SHTN1: variants seen among roughly 807,000 people sequenced by gnomAD.
The protein encoded by SHTN1 is shootin-1.
In SHTN1, 42 loss-of-function variants were observed where a neutral mutation model predicts 83.1. The observed-to-expected ratio is 0.51, with a 90% CI of 0.39 to 0.65. The LOEUF (loss-of-function observed/expected upper bound fraction) is 0.65. Among genes scored for constraint, SHTN1 ranks in the 30% least tolerant of loss-of-function variants. The pLI, the probability that SHTN1 is intolerant of heterozygous loss-of-function variation, is 0.00. For synonymous variants in SHTN1, 224 were observed against 247.7 expected, an observed-to-expected ratio of 0.90 and a Z score of 0.90; for missense variants, 622 against 737.8, an observed-to-expected ratio of 0.84 and a Z score of 1.82.
At chr10:117,063,038 G>A (rs542774750) in intron 1 of SHTN1, among the ~76,000 whole-genome samples, 2 of 152,280 alleles carry the variant, frequency 1.3e-5, no homozygotes, top group South Asian at 4.1e-4. Flanking sequence ...AGATGGCTTT[G>A]TAAACCGCAG....
intron 8 of SHTN1, among the ~76,000 whole-genome samples, chr10:116,941,379 T>C (rs776599099): frequency 1.2e-4 from 19 of 152,238 alleles, no homozygotes; most frequent in Non-Finnish European, 2.1e-4. Context: ...AAGCAATTTA[T>C]ATGTTATTCA....
chr10:117,074,997 G>A (rs763092902), intron 1 of SHTN1, among the ~76,000 whole-genome samples: 3 of 152,070 alleles, frequency 2.0e-5, no homozygotes, highest in Non-Finnish European at 1.5e-5. Context: ...TTAAGATATT[G>A]TGAAGAAAAA....
intron 1 of SHTN1, among the ~76,000 whole-genome samples, chr10:117,068,233 T>C (rs1589918689): frequency 6.6e-6 from 1 of 152,010 alleles, no homozygotes; most frequent in South Asian, 2.1e-4. Context: ...CTGCTAAAAA[T>C]ACAAAAATTA....
chr10:116,919,855 A>G (rs1294781585), intron 12 of SHTN1, among the ~76,000 whole-genome samples: 1 of 22,600 alleles, frequency 4.4e-5, no homozygotes, highest in Non-Finnish European at 1.6e-4. Context: ...GCAGGCACAG[A>G]AAGCCAATTC....
chr10:116,999,254 C>A (rs1291501165), intron 1 of SHTN1, among the ~76,000 whole-genome samples: 1 of 152,170 alleles, frequency 6.6e-6, no homozygotes, highest in Non-Finnish European at 1.5e-5. Flanking sequence ...GACAACGCTA[C>A]ATGTACTAAT....
At chr10:116,927,936 T>C in intron 10 of SHTN1, 45 bp from the exon 11 acceptor site, 1 of 1,601,408 alleles carries the variant, frequency 6.2e-7, no homozygotes, top group Non-Finnish European at 8.5e-7. Flanking sequence ...AATAAGCAAC[T>C]AAACATTGTT....
chr10:117,115,336 T>C (rs936475789), intron 1 of SHTN1, among the ~76,000 whole-genome samples: 10 of 152,040 alleles, frequency 6.6e-5, no homozygotes, highest in African/African-American at 2.4e-4. Flanking sequence ...TGAAAAATAA[T>C]TATATACAAG....
intron 11 of SHTN1, among the ~76,000 whole-genome samples, chr10:116,925,497 C>A (rs1401514778): frequency 6.6e-6 from 1 of 152,198 alleles, no homozygotes; most frequent in Non-Finnish European, 1.5e-5. Flanking sequence ...ACCATTGACA[C>A]TTTTGGGTGT....
intron 13 of SHTN1, among the ~76,000 whole-genome samples, chr10:116,912,500 T>C (rs887105650): frequency 3.3e-5 from 5 of 152,232 alleles, no homozygotes; most frequent in African/African-American, 1.2e-4. Context: ...TTCAGCCAGG[T>C]AGTATTTGAG....
Position 117,053,024 on chromosome 10 carries a change from A to AAAAAAAAAAAAAAAAAAAAAAAAAAG in SHTN1, c.-188-4515_-188-4514insCTTTTTTTTTTTTTTTTTTTTTTTTT, listed in dbSNP as rs1554934278. 5.3e-4 allele frequency among the ~76,000 whole-genome samples: 27 copies of AAAAAAAAAAAAAAAAAAAAAAAAAAG among 51,364 alleles called. 8 individuals are homozygous for AAAAAAAAAAAAAAAAAAAAAAAAAAG. The highest frequency in any genetic ancestry group is 9.7e-4 in the Non-Finnish European group (17 of 17,612). 33.7% of individuals were successfully genotyped at this position (51,364 alleles called of 152,430 possible). ...AACAGAGCAAGACTGTGTCTCAAAAAAAAAAAGAATTAAGAATTAAGTTGG... is the reference window on the plus strand; with the variant it reads ...AACAGAGCAAGACTGTGTCTCAAAAAAAAAAAAAAAAAAAAAAAAAAAAAAGAAAAAAGAATTAAGAATTAAGTTGG... On this transcript the variant is annotated intron_variant, in intron 1 of 17. Coordinates refer to the SHTN1 transcript ENST00000392901.
chr10:117,091,398 G>A (rs1853428240), intron 1 of SHTN1, among the ~76,000 whole-genome samples: 2 of 152,156 alleles, frequency 1.3e-5, no homozygotes, highest in Non-Finnish European at 1.5e-5. Flanking sequence ...GGAAAGCTCT[G>A]GAAATCCACA....
chr10:116,971,018 C>G (rs946287116), intron 2 of SHTN1, among the ~76,000 whole-genome samples: 1 of 152,112 alleles, frequency 6.6e-6, no homozygotes, highest in African/African-American at 2.4e-5. Context: ...TTATACTATT[C>G]TCTGCCCTTT....
At chr10:116,967,181 A>G (rs1025183034) in intron 3 of SHTN1, among the ~76,000 whole-genome samples, 1 of 152,256 alleles carries the variant, frequency 6.6e-6, no homozygotes, top group African/African-American at 2.4e-5. Context: ...GGAGGGGGTC[A>G]CTTTCCCTGC....
chr10:116,901,061 C>T (rs942025704), intron 16 of SHTN1: 11 of 985,344 alleles, frequency 1.1e-5, no homozygotes, highest in South Asian at 9.4e-5. Flanking sequence ...TTACAATATT[C>T]GGCTGATCTG....
intron 1 of SHTN1, among the ~76,000 whole-genome samples, chr10:117,099,007 T>TACAC (rs1320426265): frequency 4.6e-5 from 2 of 43,090 alleles, no homozygotes; most frequent in Non-Finnish European, 6.9e-5. Context: ...ATGTGGTATG[T>TACAC]ATACACACAC....
chr10:116,887,342 A>C (rs904101183), intron 16 of SHTN1, among the ~76,000 whole-genome samples: 4 of 152,130 alleles, frequency 2.6e-5, no homozygotes, highest in African/African-American at 9.7e-5. Context: ...TCTCTGAAAC[A>C]CCCGAAGGTT....
chr10:117,052,927 G>C (rs1228093313), intron 1 of SHTN1, among the ~76,000 whole-genome samples: 1 of 148,750 alleles, frequency 6.7e-6, no homozygotes, highest in African/African-American at 2.5e-5. Flanking sequence ...GGCTGAGGCA[G>C]GAGAATGGCG....
chr10:117,067,644 A>G (rs1299234368), intron 1 of SHTN1, among the ~76,000 whole-genome samples: 4 of 152,168 alleles, frequency 2.6e-5, no homozygotes, highest in African/African-American at 9.7e-5. Context: ...CAATCAATCA[A>G]TCAATCCCTG....
chr10:117,008,595 G>A (rs1232343665), upstream of SHTN1, among the ~76,000 whole-genome samples: 4 of 152,138 alleles, frequency 2.6e-5, no homozygotes, highest in Non-Finnish European at 2.9e-5. Flanking sequence ...GATCAGAAAA[G>A]ACCAGATATT....
Sources: allele counts gnomAD v4.1 joint callset (sites outside exome capture counted in the v4.1 genomes callset), GRCh38; gene constraint gnomAD v4.1.1; transcripts MANE v1.5; gene names NCBI Gene and HGNC (gene_info 2026-07-23, HGNC 2026-07-21).